The following SOX6 variants were observed in gnomAD, a reference collection of about 807,000 sequenced individuals.
SOX6 encodes the protein SRY-box transcription factor 6.
A neutral mutation model predicts 97.8 loss-of-function variants in SOX6; 11 were observed. That is an observed-to-expected ratio of 0.11 (90% CI 0.07 to 0.19). The LOEUF is 0.19. Ranked by LOEUF, SOX6 falls within the 10% of genes least tolerant of loss-of-function variation. The pLI, the probability that SOX6 is intolerant of heterozygous loss-of-function variation, is 1.00. For synonymous variants in SOX6, 360 were observed against 371.4 expected (o/e 0.97, Z 0.35); for missense variants, 810 against 1,039.5 (o/e 0.78, Z 3.04).
intron 10 of SOX6, among the ~76,000 whole-genome samples, chr11:16,050,194 A>G (rs1228711358): frequency 6.6e-6 from 1 of 152,176 alleles, no homozygotes; most frequent in African/African-American, 2.4e-5. Flanking sequence ...GAATTAGCTC[A>G]CATTACAGCT....
intron 4 of SOX6, among the ~76,000 whole-genome samples, chr11:16,546,672 A>G (rs1004565136): frequency 1.3e-5 from 2 of 152,172 alleles, no homozygotes; most frequent in Admixed American, 1.3e-4. Flanking sequence ...AGGAGAAAAT[A>G]CAGGGGAAGT....
intron 3 of SOX6, chr11:16,612,326 A>G (rs953334297): frequency 3.3e-5 from 5 of 152,596 alleles, no homozygotes; most frequent in African/African-American, 1.2e-4. Context: ...AAAGAAAAAA[A>G]TGAATAATTC....
intron 9 of SOX6, among the ~76,000 whole-genome samples, chr11:16,083,744 T>G (rs1848522205): frequency 6.6e-6 from 1 of 152,216 alleles, no homozygotes. Context: ...ATTATAAGAT[T>G]TATATAGCAC....
intron 6 of SOX6, among the ~76,000 whole-genome samples, chr11:16,181,407 C>CT (rs796074201): frequency 6.6e-6 from 1 of 151,180 alleles, no homozygotes; most frequent in Non-Finnish European, 1.5e-5. Flanking sequence ...GAAAGTGTTT[C>CT]TTTTTTTGAT....
At chr11:16,150,291 C>G (rs1325305459) in intron 6 of SOX6, among the ~76,000 whole-genome samples, 1 of 152,132 alleles carries the variant, frequency 6.6e-6, no homozygotes, top group Non-Finnish European at 1.5e-5. Context: ...ACAAATCTTC[C>G]AGGCCAAAAT....
intron 13 of SOX6, among the ~76,000 whole-genome samples, chr11:16,012,955 T>C (rs910584208): frequency 1.3e-5 from 2 of 152,062 alleles, no homozygotes; most frequent in African/African-American, 4.8e-5. Flanking sequence ...AGGCATTGAA[T>C]AGAATATCCA....
intron 6 of SOX6, among the ~76,000 whole-genome samples, chr11:16,166,220 CA>C (rs1589989614): frequency 1.3e-5 from 2 of 152,024 alleles, no homozygotes; most frequent in East Asian, 3.9e-4. Context: ...CAACTTTAAT[CA>C]AGTAGGAATT....
intron 1 of SOX6, among the ~76,000 whole-genome samples, chr11:16,410,759 CAAAAAAAAAA>C (rs71044100): frequency 9.3e-5 from 6 of 64,390 alleles, no homozygotes; most frequent in Non-Finnish European, 1.5e-4. Context: ...AACCGGTCTC[CAAAAAAAAAA>C]AAAAAAAAAA....
chr11:16,246,797 G>T (rs1209020411), intron 3 of SOX6, among the ~76,000 whole-genome samples: 1 of 151,890 alleles, frequency 6.6e-6, no homozygotes, highest in Non-Finnish European at 1.5e-5. Flanking sequence ...CATAATAGTT[G>T]TATATATTTA....
intron 4 of SOX6, among the ~76,000 whole-genome samples, chr11:16,218,788 T>C (rs977989954): frequency 1.2e-4 from 19 of 152,126 alleles, no homozygotes; most frequent in African/African-American, 4.3e-4. Flanking sequence ...ACTGGTGATG[T>C]CGACCGAACA....
chr11:16,716,207 G>C (rs1173814374), intron 2 of SOX6, among the ~76,000 whole-genome samples: 2 of 152,124 alleles, frequency 1.3e-5, no homozygotes, highest in African/African-American at 4.8e-5. Context: ...CTGCACTCTA[G>C]TCCGGGTGAC....
In SOX6 at chr11:16,118,505, T is replaced by C. The variant is rs142431712; in HGVS notation, c.778-6582A>G. Among the ~76,000 whole-genome samples the C allele has an allele frequency of 6.6e-5, 10 of 152,376 alleles. No homozygotes were observed. In the East Asian group the frequency reaches 1.9e-3, roughly 29 times the overall value. On this transcript the variant is annotated intron_variant, in intron 6 of 15. Transcript: ENST00000683767. The stretch of plus-strand genomic sequence containing the variant: ...TTTCTCTGTGCTAAGTTGTTGATGA[T>C]GCCATTTTTTGCCATCTGCCCCAGA...
intron 1 of SOX6, among the ~76,000 whole-genome samples, chr11:16,468,699 T>C (rs149697941): frequency 1.3e-5 from 2 of 152,316 alleles, no homozygotes; most frequent in African/African-American, 4.8e-5. Context: ...CATTTTCCTT[T>C]ATAAACTACA....
intron 3 of SOX6, among the ~76,000 whole-genome samples, chr11:16,285,134 T>TA (rs774973000): frequency 6.6e-6 from 1 of 152,068 alleles, no homozygotes; most frequent in East Asian, 1.9e-4. Flanking sequence ...TCATTAAATA[T>TA]AAAAAACAAA....
intron 4 of SOX6, among the ~76,000 whole-genome samples, chr11:16,573,114 A>C (rs944310123): frequency 1.3e-4 from 20 of 152,182 alleles, no homozygotes; most frequent in Admixed American, 6.5e-5. Context: ...ACTAATACTT[A>C]ATGTAACATG....
chr11:16,039,320 C>T (rs897681585), intron 12 of SOX6, among the ~76,000 whole-genome samples: 2 of 152,026 alleles, frequency 1.3e-5, no homozygotes, highest in Admixed American at 1.3e-4. Flanking sequence ...AGAACAAAGC[C>T]ATTGGTCAAT....
At chr11:16,270,975 G>T (rs1356206442) in intron 3 of SOX6, among the ~76,000 whole-genome samples, 1 of 151,312 alleles carries the variant, frequency 6.6e-6, no homozygotes, top group African/African-American at 2.4e-5. Context: ...ATGTAATTAA[G>T]AGTAATGAAT....
upstream of SOX6, among the ~76,000 whole-genome samples, chr11:16,477,480 C>T (rs1860274558): frequency 6.6e-6 from 1 of 152,150 alleles, no homozygotes; most frequent in Admixed American, 6.5e-5. Context: ...AAATATCTAA[C>T]TCAGCCCTCT....
intron 6 of SOX6, among the ~76,000 whole-genome samples, chr11:16,181,576 A>G (rs1335221798): frequency 1.3e-5 from 2 of 149,328 alleles, no homozygotes; most frequent in Admixed American, 1.3e-4. Flanking sequence ...AAAAAAAAAG[A>G]AAGTCTGAAT....
Sources: allele counts gnomAD v4.1 joint callset (sites outside exome capture counted in the v4.1 genomes callset), GRCh38; gene constraint gnomAD v4.1.1; transcripts MANE v1.5; gene names NCBI Gene and HGNC (gene_info 2026-07-23, HGNC 2026-07-21).